Variants in TNR observed in about 807,000 individuals in gnomAD.
The protein encoded by TNR is tenascin-R.
Under a neutral mutation model 150.4 loss-of-function variants are expected in TNR, and 45 were observed. The ratio of observed to expected loss-of-function variants is 0.30; its 90% confidence interval spans 0.24 to 0.38. TNR has a LOEUF of 0.38. Ranked by LOEUF, TNR falls within the 10% of genes least tolerant of loss-of-function variation. TNR has a pLI of 1.00. For synonymous variants in TNR, 687 were observed against 678.4 expected (o/e 1.01, Z -0.20); for missense variants, 1,544 against 1,759.1 (o/e 0.88, Z 2.19).
chr1:175,476,369 C>T (rs1326180052), intron 2 of TNR, among the ~76,000 whole-genome samples: 1 of 152,184 alleles, frequency 6.6e-6, no homozygotes, highest in Non-Finnish European at 1.5e-5. Flanking sequence ...TTTCCTAGCT[C>T]AGAATGCTGC....
chr1:175,590,505 C>A (rs1571647974), intron 1 of TNR, among the ~76,000 whole-genome samples: 2 of 152,218 alleles, frequency 1.3e-5, no homozygotes, highest in East Asian at 3.8e-4. Context: ...AAAGTAAATA[C>A]AACATGTCTA....
At chr1:175,399,024 T>C (rs747439407) in intron 4 of TNR, among the ~76,000 whole-genome samples, 24 of 152,192 alleles carry the variant, frequency 1.6e-4, no homozygotes, top group Non-Finnish European at 1.0e-4. Flanking sequence ...TCCCCTACAA[T>C]TTAGACAGCA....
chr1:175,339,594 T>C lies in TNR; in HGVS notation c.3383-1915A>G, dbSNP rs144030088. On this transcript the variant is annotated intron_variant, in intron 18 of 22. Coordinates refer to ENST00000367674, the MANE Select transcript of TNR (RefSeq NM_003285.3). Reference sequence around the variant, plus strand: ...GGAACAACCAGCCTGTCTGCCTTTCTTTCTCCCCTTTCATCTCACTGTTTG... The same window carrying C: ...GGAACAACCAGCCTGTCTGCCTTTCCTTCTCCCCTTTCATCTCACTGTTTG... Among the ~76,000 whole-genome samples, 3 of 152,330 alleles carry C rather than the reference T, an allele frequency of 2.0e-5. No homozygotes were observed. In the East Asian group the frequency reaches 5.8e-4, roughly 29 times the overall value.
At chr1:175,338,468 AC>A (rs1650351046) in intron 18 of TNR, among the ~76,000 whole-genome samples, 1 of 152,218 alleles carries the variant, frequency 6.6e-6, no homozygotes, top group Non-Finnish European at 1.5e-5. Flanking sequence ...CAGAAAGCCC[AC>A]CGGAGGAGCT....
intron 2 of TNR, among the ~76,000 whole-genome samples, chr1:175,410,666 G>A (rs1247629550): frequency 3.3e-5 from 5 of 152,282 alleles, no homozygotes; most frequent in African/African-American, 7.2e-5. Context: ...GAGAGGAAGT[G>A]GTGTGTGTCT....
chr1:175,447,187 G>A (rs770886764), intron 2 of TNR, among the ~76,000 whole-genome samples: 16 of 149,998 alleles, frequency 1.1e-4, no homozygotes, highest in Non-Finnish European at 2.1e-4. Flanking sequence ...TCTTCTGGAA[G>A]TAGGGGTGGT....
At chr1:175,481,303 C>T (rs1323283594) in intron 2 of TNR, among the ~76,000 whole-genome samples, 1 of 152,172 alleles carries the variant, frequency 6.6e-6, no homozygotes, top group Non-Finnish European at 1.5e-5. Context: ...AATACTATGT[C>T]TGGTCGGTAG....
At chr1:175,651,289 C>A (rs1270961392) in intron 1 of TNR, among the ~76,000 whole-genome samples, 4 of 150,140 alleles carry the variant, frequency 2.7e-5, no homozygotes, top group African/African-American at 9.8e-5. Flanking sequence ...AGAGACACAG[C>A]TATGGGAAGA....
At chr1:175,458,627 C>T (rs1656672652) in intron 2 of TNR, among the ~76,000 whole-genome samples, 1 of 152,072 alleles carries the variant, frequency 6.6e-6, no homozygotes, top group Admixed American at 6.5e-5. Flanking sequence ...CAAGAAAGTG[C>T]TTTGGACACC....
intron 2 of TNR, among the ~76,000 whole-genome samples, chr1:175,465,468 T>C (rs566847491): frequency 2.6e-5 from 4 of 152,312 alleles, no homozygotes; most frequent in Non-Finnish European, 4.4e-5. Context: ...AGTGTCCTTA[T>C]GGGATTTTTT....
At chr1:175,647,551 C>T (rs1664844739) in intron 1 of TNR, among the ~76,000 whole-genome samples, 1 of 151,964 alleles carries the variant, frequency 6.6e-6, no homozygotes, top group Non-Finnish European at 1.5e-5. Flanking sequence ...ATGAAGAAAT[C>T]ACAGGCAGAA....
chr1:175,743,351 C>T lies in TNR; in HGVS notation c.-290G>A, dbSNP rs1667984299. 1 of 152,192 alleles carries T rather than the reference C, an allele frequency of 6.6e-6. No homozygotes were observed. The highest frequency in any genetic ancestry group is 2.4e-5 in the African/African-American group (1 of 41,442). The allele number at this position is 152,192 out of a possible 1,614,324, so 9.4% of individuals were successfully genotyped here. A position where few individuals can be genotyped will look rare whatever the true frequency, so the allele number is the denominator to read the frequency against. ...CCTCCTCTTTCCCTTCTCTTCCCTT[C>T]CTCCTATTCTGGGAGGAAGAGACAA... is the stretch of plus-strand genomic sequence containing the variant. On this transcript the variant is annotated 5_prime_UTR_variant, in exon 1 of 23. Coordinates refer to ENST00000367674, the MANE Select transcript of TNR (RefSeq NM_003285.3).
intron 1 of TNR, among the ~76,000 whole-genome samples, chr1:175,626,995 A>G (rs972755705): frequency 2.6e-5 from 4 of 152,150 alleles, no homozygotes; most frequent in African/African-American, 7.2e-5. Flanking sequence ...GCAAGAAAAG[A>G]TTTTTCCCCT....
intron 1 of TNR, among the ~76,000 whole-genome samples, chr1:175,532,036 G>A (rs1008623336): frequency 1.3e-5 from 2 of 152,238 alleles, no homozygotes; most frequent in Non-Finnish European, 2.9e-5. Flanking sequence ...AAAGACACCT[G>A]CTGGGCCAGG....
chr1:175,411,316 A>G (rs937865290), intron 2 of TNR, among the ~76,000 whole-genome samples: 4 of 152,164 alleles, frequency 2.6e-5, no homozygotes, highest in African/African-American at 4.8e-5. Flanking sequence ...ATTGGGCTAG[A>G]ACGAACATTG....
At chr1:175,603,285 G>A (rs542238157) in intron 1 of TNR, among the ~76,000 whole-genome samples, 1 of 152,302 alleles carries the variant, frequency 6.6e-6, no homozygotes, top group African/African-American at 2.4e-5. Context: ...CTCAGTGTTT[G>A]GTGTCAAGTT....
chr1:175,399,452 C>T, intron 4 of TNR, among the ~76,000 whole-genome samples: 1 of 152,292 alleles, frequency 6.6e-6, no homozygotes, highest in East Asian at 1.9e-4. Context: ...TAGCTTGAGG[C>T]CTGAGCCTGG....
At chr1:175,434,654 C>G (rs963220179) in intron 2 of TNR, among the ~76,000 whole-genome samples, 4 of 152,110 alleles carry the variant, frequency 2.6e-5, no homozygotes, top group African/African-American at 9.7e-5. Flanking sequence ...CTGTTTAGGC[C>G]CCCAACCTTA....
At chr1:175,535,010 G>A (rs1046710300) in intron 1 of TNR, among the ~76,000 whole-genome samples, 1 of 152,112 alleles carries the variant, frequency 6.6e-6, no homozygotes. Context: ...CACCATGATT[G>A]TAAGTTTCCT....
Sources: gnomAD v4.1 joint callset for allele counts (sites outside exome capture counted in the v4.1 genomes callset) on GRCh38, gnomAD v4.1.1 for gene constraint, MANE v1.5 for transcripts, NCBI Gene and HGNC (gene_info 2026-07-23, HGNC 2026-07-21) for gene names.